KLF12: variants seen among roughly 807,000 people sequenced by gnomAD.
KLF12 encodes KLF transcription factor 12.
A neutral mutation model predicts 37.8 loss-of-function variants in KLF12; 9 were observed. The ratio of observed to expected loss-of-function variants is 0.24; its 90% CI spans 0.14 to 0.42. The LOEUF (loss-of-function observed/expected upper bound fraction) is 0.42. KLF12 is among the 10% of genes least tolerant of loss of function. KLF12 has a pLI of 1.00. For synonymous variants in KLF12, 208 were observed against 202.1 expected, an observed-to-expected ratio of 1.03 and a Z score of -0.25; for missense variants, 411 against 516.0, an observed-to-expected ratio of 0.80 and a Z score of 1.97.
At chr13:74,223,985 A>G in the KLF12 span, among the ~76,000 whole-genome samples, 3 of 152,322 alleles carry the variant, frequency 2.0e-5, no homozygotes, top group South Asian at 6.2e-4. Context: ...GGGAGAATCT[A>G]TGTAATGGAG....
upstream of KLF12, among the ~76,000 whole-genome samples, chr13:74,135,634 T>C (rs368043388): frequency 2.6e-5 from 4 of 151,338 alleles, no homozygotes; most frequent in East Asian, 3.9e-4. Flanking sequence ...CGGGAGGCTG[T>C]GGGCCCGCCT....
At chr13:74,265,151 A>T in the KLF12 span, among the ~76,000 whole-genome samples, 1 of 152,176 alleles carries the variant, frequency 6.6e-6, no homozygotes. Context: ...TAGTATCTAC[A>T]AAAATGTGAT....
Position 74,038,499 on chromosome 13 carries a change from G to A in KLF12, c.-31-43446C>T, listed in dbSNP as rs148634789. Among the ~76,000 whole-genome samples the A allele has an allele frequency of 7.0e-3, 1,062 of 152,208 alleles. 5 individuals carry two copies. Among genetic ancestry groups the A allele is most frequent in the African/African-American group, 0.024 (985 of 41,524 alleles). On this transcript the variant is annotated intron_variant, in intron 1 of 7. Transcript: ENST00000377669. ...GCAGGAGGGAAGAGAAGGTACAATC[G>A]TACTCGACATGGAGAACAGACAGAC... is the stretch of plus-strand genomic sequence containing the variant.
chr13:74,034,124 G>A (rs551403097), intron 1 of KLF12, among the ~76,000 whole-genome samples: 11 of 152,078 alleles, frequency 7.2e-5, no homozygotes, highest in African/African-American at 2.2e-4. Flanking sequence ...GTGCAATGAC[G>A]GGATCTCAGC....
the KLF12 span, among the ~76,000 whole-genome samples, chr13:74,255,982 C>A: frequency 6.6e-6 from 1 of 152,016 alleles, no homozygotes; most frequent in African/African-American, 2.4e-5. Flanking sequence ...GATGAAACCC[C>A]GTCTCTGCTA....
chr13:73,806,480 C>G (rs1882634699), intron 5 of KLF12, among the ~76,000 whole-genome samples: 1 of 152,006 alleles, frequency 6.6e-6, no homozygotes, highest in Admixed American at 6.6e-5. Context: ...ATTCTCCTGT[C>G]TCAGCCTCGA....
chr13:74,088,387 C>T (rs551664180), intron 1 of KLF12, among the ~76,000 whole-genome samples: 2 of 152,092 alleles, frequency 1.3e-5, no homozygotes, highest in South Asian at 2.1e-4. Context: ...GCCACTATGC[C>T]TGGCTAGTTT....
At chr13:73,817,896 G>T (rs1439797010) in intron 4 of KLF12, among the ~76,000 whole-genome samples, 1 of 152,222 alleles carries the variant, frequency 6.6e-6, no homozygotes, top group Non-Finnish European at 1.5e-5. Flanking sequence ...CAATTAAGAT[G>T]TGCAAAATTA....
At chr13:73,817,627 C>T (rs7335562) in intron 4 of KLF12, among the ~76,000 whole-genome samples, 11,931 of 152,142 alleles carry the variant, frequency 0.078, 884 homozygotes, top group African/African-American at 0.2. Context: ...CCTAACTTGA[C>T]GTGGAAACAG....
chr13:74,178,783 G>A, the KLF12 span, among the ~76,000 whole-genome samples: 3 of 152,102 alleles, frequency 2.0e-5, no homozygotes, highest in African/African-American at 7.2e-5. Flanking sequence ...CCTTTGTCAG[G>A]GGGAGTTTTT....
At chr13:73,872,680 G>C (rs1285428488) in intron 3 of KLF12, among the ~76,000 whole-genome samples, 1 of 152,160 alleles carries the variant, frequency 6.6e-6, no homozygotes, top group African/African-American at 2.4e-5. Context: ...CAGTTCTTTG[G>C]TGCCAGAATC....
chr13:74,102,226 GA>G (rs145877454), intron 1 of KLF12, among the ~76,000 whole-genome samples: 15,586 of 132,362 alleles, frequency 0.12, 924 homozygotes, highest in Admixed American at 0.16. Flanking sequence ...TCAAAAAAAA[GA>G]AAAAAAAAAA....
chr13:74,133,465 T>C (rs1878381844), intron 1 of KLF12, among the ~76,000 whole-genome samples: 1 of 151,774 alleles, frequency 6.6e-6, no homozygotes, highest in African/African-American at 2.4e-5. Context: ...AAAAAAAAAT[T>C]AGGGGAGGTG....
intron 5 of KLF12, among the ~76,000 whole-genome samples, chr13:73,775,220 T>C (rs968230229): frequency 5.3e-5 from 8 of 152,152 alleles, no homozygotes; most frequent in Non-Finnish European, 8.8e-5. Flanking sequence ...GCCCGGCCTA[T>C]CACTCTTTTT....
chr13:74,050,591 T>C (rs561280310), intron 1 of KLF12, among the ~76,000 whole-genome samples: 1 of 152,198 alleles, frequency 6.6e-6, no homozygotes, highest in East Asian at 1.9e-4. Context: ...ATCAGACAAT[T>C]CTGGGTTTGA....
chr13:73,751,945 G>T (rs1878788587), intron 6 of KLF12, among the ~76,000 whole-genome samples: 1 of 152,062 alleles, frequency 6.6e-6, no homozygotes. Context: ...CACACAGGCA[G>T]CCTTAGATAC....
chr13:73,787,669 G>C lies in KLF12; in HGVS notation c.807-22669C>G, dbSNP rs535608687. On this transcript the variant is annotated intron_variant, in intron 5 of 7. Coordinates refer to ENST00000377669, the MANE Select transcript of KLF12 (RefSeq NM_007249.5). Reference sequence around the variant, plus strand: ...ACAAAGCTGGTACATGGAAGTTTGGGGATTGGAACTCAAGCATTTGGCTCC... The same window carrying C: ...ACAAAGCTGGTACATGGAAGTTTGGCGATTGGAACTCAAGCATTTGGCTCC... Among the ~76,000 whole-genome samples, 5 of 152,258 alleles carry C rather than the reference G, an allele frequency of 3.3e-5. No individual in the cohort carries two copies. In the South Asian group the frequency reaches 6.2e-4, roughly 19 times the overall value.
chr13:73,917,369 T>C (rs1443100606), intron 3 of KLF12, among the ~76,000 whole-genome samples: 1 of 152,146 alleles, frequency 6.6e-6, no homozygotes, highest in Non-Finnish European at 1.5e-5. Flanking sequence ...AGATCAGTGG[T>C]CACCACCTTG....
intron 2 of KLF12, among the ~76,000 whole-genome samples, chr13:73,994,537 T>C (rs1892055297): frequency 6.6e-6 from 1 of 151,726 alleles, no homozygotes; most frequent in African/African-American, 2.4e-5. Flanking sequence ...TCCATGATGA[T>C]CCTACTTCTA....
Sources: gnomAD v4.1 joint callset for allele counts (sites outside exome capture counted in the v4.1 genomes callset) on GRCh38, gnomAD v4.1.1 for gene constraint, MANE v1.5 for transcripts, NCBI Gene and HGNC (gene_info 2026-07-23, HGNC 2026-07-21) for gene names.